Variants in TTC34 observed in about 807,000 individuals in gnomAD.
The protein encoded by TTC34 is tetratricopeptide repeat protein 34.
Under a neutral mutation model 40.7 loss-of-function variants are expected in TTC34, and 44 were observed. The observed-to-expected ratio is 1.08, with a 90% CI of 0.85 to 1.39. The LOEUF (loss-of-function observed/expected upper bound fraction) is 1.39, where lower values mean the gene tolerates loss of function less well. Among genes scored for constraint, TTC34 ranks in the 40% most tolerant of loss-of-function variants. The probability of loss-of-function intolerance (pLI) is 0.00; values close to 1 mark genes in which losing one functional copy is unlikely to be tolerated. For missense variants in TTC34, 884 were observed against 838.0 expected (o/e 1.05, Z -0.68); for synonymous variants, 422 against 398.6 (o/e 1.06, Z -0.70).
intron 6 of TTC34, among the ~76,000 whole-genome samples, chr1:2,750,748 T>TCCAGG (rs1641292324): frequency 1.0e-4 from 1 of 9,994 alleles, no homozygotes; most frequent in South Asian, 4.5e-3. Flanking sequence ...CATCTGATGG[T>TCCAGG]CTGGAGCAGC....
At position 2,644,584 on chromosome 1, in the gene TTC34, G is replaced by A. The variant is rs1570746038; in HGVS notation, c.2498-106C>T. On this transcript the variant is annotated intron_variant, in intron 7 of 8. Transcript: ENST00000401095. Reference sequence around the variant, plus strand: ...TCCCTGCCCTGTGCTGGCTTGCGGGGAGCTGATGATGGCTCAGCCCAGGAA... The same window carrying A: ...TCCCTGCCCTGTGCTGGCTTGCGGGAAGCTGATGATGGCTCAGCCCAGGAA... The A allele has an allele frequency of 5.0e-6, 6 of 1,202,978 alleles. No homozygotes were observed. The African/African-American group carries it at 9.1e-5, about 18-fold the overall frequency. 74.5% of individuals were successfully genotyped at this position (1,202,978 alleles called of 1,614,324 possible). A position where few individuals can be genotyped will look rare whatever the true frequency, so the allele number is the denominator to read the frequency against.
intron 6 of TTC34, among the ~76,000 whole-genome samples, chr1:2,654,557 G>A (rs1570759123): frequency 4.6e-5 from 7 of 152,094 alleles, no homozygotes; most frequent in East Asian, 3.9e-4. Context: ...CTGACGGCCT[G>A]GAACGGCACC....
chr1:2,784,771 T>C (rs1283898474), intron 5 of TTC34, among the ~76,000 whole-genome samples: 1 of 152,260 alleles, frequency 6.6e-6, no homozygotes, highest in Non-Finnish European at 1.5e-5. Flanking sequence ...GTTCATTATC[T>C]CTATATCTAA....
intron 6 of TTC34, among the ~76,000 whole-genome samples, chr1:2,650,945 AC>A (rs1639117979): frequency 2.9e-5 from 4 of 138,470 alleles, no homozygotes; most frequent in Admixed American, 2.8e-4. Flanking sequence ...TGACACCCCA[AC>A]CCCCCAGGTG....
At chr1:2,781,691 C>T (rs531527046) in intron 6 of TTC34, among the ~76,000 whole-genome samples, 1 of 152,188 alleles carries the variant, frequency 6.6e-6, no homozygotes, top group African/African-American at 2.4e-5. Flanking sequence ...GAGGCAGTTT[C>T]CTTCTATTCC....
intron 6 of TTC34, among the ~76,000 whole-genome samples, chr1:2,751,526 AC>A (rs1641319038): frequency 9.6e-6 from 1 of 104,288 alleles, no homozygotes; most frequent in African/African-American, 4.6e-5. Context: ...AGCACCCTGC[AC>A]CCCCAGGTGA....
intron 6 of TTC34, among the ~76,000 whole-genome samples, chr1:2,687,607 C>A (rs1325568514): frequency 4.1e-5 from 5 of 121,192 alleles, no homozygotes; most frequent in African/African-American, 1.6e-4. Context: ...GCACCCACAC[C>A]CCCAGGTGAG....
exon 2 of TTC34, chr1:2,800,104 C>G (rs1301271339): frequency 7.5e-6 from 3 of 398,416 alleles, no homozygotes; most frequent in African/African-American, 6.2e-5. Flanking sequence ...GCCAGGCAGT[C>G]CTCAAACCTG....
chr1:2,780,697 C>T (rs987891783), intron 6 of TTC34, among the ~76,000 whole-genome samples: 2 of 152,194 alleles, frequency 1.3e-5, no homozygotes, highest in African/African-American at 2.4e-5. Context: ...TGTGAGTCCT[C>T]CAGCTTGCTG....
intron 6 of TTC34, among the ~76,000 whole-genome samples, chr1:2,675,630 G>C (rs879157795): frequency 4.7e-4 from 42 of 90,202 alleles, no homozygotes; most frequent in Non-Finnish European, 7.0e-4. Context: ...ACAGCCTGGA[G>C]CAGCACCCCA....
At chr1:2,684,596 C>T (rs567788017) in intron 6 of TTC34, among the ~76,000 whole-genome samples, 4 of 122,506 alleles carry the variant, frequency 3.3e-5, no homozygotes, top group Admixed American at 8.0e-5. Context: ...AACACCCATA[C>T]CCCCAGGTGA....
At chr1:2,656,443 A>T (rs1174826483) in intron 6 of TTC34, among the ~76,000 whole-genome samples, 1 of 45,350 alleles carries the variant, frequency 2.2e-5, no homozygotes, top group South Asian at 1.1e-3. Flanking sequence ...ACAGCCTGCA[A>T]CAGCACCCTG....
intron 6 of TTC34, among the ~76,000 whole-genome samples, chr1:2,693,644 A>G (rs1361508908): frequency 2.8e-5 from 2 of 72,038 alleles, no homozygotes; most frequent in African/African-American, 5.3e-5. Flanking sequence ...CGAGCATCTG[A>G]CAGCCTGGAG....
intron 6 of TTC34, among the ~76,000 whole-genome samples, chr1:2,686,722 C>T (rs200048634): frequency 4.9e-5 from 7 of 142,184 alleles, no homozygotes; most frequent in South Asian, 2.3e-4. Flanking sequence ...AGCACACACA[C>T]CCCCAGGCGA....
At position 2,775,812 on chromosome 1, in the gene TTC34, C is replaced by T. The variant is rs1269181466; in HGVS notation, c.2226+7797G>A. The stretch of plus-strand genomic sequence containing the variant: ...GAATCTTCAGGTGAGCATCTGACAG[C>T]CTGGAGCAGCAGTGCCCACCCCTGG... On this transcript the variant is annotated intron_variant, in intron 6 of 8. Transcript: ENST00000401095. Among the ~76,000 whole-genome samples, 19 of 146,234 alleles carry T rather than the reference C, an allele frequency of 1.3e-4. 3 individuals carry two copies. Among genetic ancestry groups the T allele is most frequent in the Non-Finnish European group, 1.9e-4 (13 of 67,684 alleles).
chr1:2,793,373 A>T (rs1222562228), intron 2 of TTC34, among the ~76,000 whole-genome samples: 2 of 152,044 alleles, frequency 1.3e-5, no homozygotes, highest in African/African-American at 4.8e-5. Flanking sequence ...TTCTTCAAAT[A>T]CTCTGCATAC....
rs537029030 is a variant in TTC34, at chr1:2,691,599, G to C, written c.2227-46036C>G. The stretch of plus-strand genomic sequence containing the variant: ...CACCCACATGCCCAGGTGAGACCCT[G>C]ACAGCCTGGAACAGCACCCTGCACC... On this transcript the variant is annotated intron_variant, in intron 6 of 8. Coordinates refer to ENST00000401095, the Ensembl canonical transcript of TTC34. 1.2e-3 allele frequency among the ~76,000 whole-genome samples: 152 copies of C among 123,406 alleles called. 15 individuals are homozygous for C. The highest frequency in any genetic ancestry group is 4.2e-3 in the African/African-American group (148 of 35,208). 81.0% of individuals were successfully genotyped at this position (123,406 alleles called of 152,430 possible). A position where few individuals can be genotyped will look rare whatever the true frequency, so the allele number is the denominator to read the frequency against.
intron 6 of TTC34, among the ~76,000 whole-genome samples, chr1:2,688,317 C>A (rs1640465491): frequency 1.1e-5 from 1 of 87,016 alleles, no homozygotes; most frequent in South Asian, 4.0e-4. Context: ...CAGCCTGGAG[C>A]AGAACCCCAC....
chr1:2,651,299 G>T (rs1276027798), intron 6 of TTC34, among the ~76,000 whole-genome samples: 1 of 151,854 alleles, frequency 6.6e-6, no homozygotes, highest in Non-Finnish European at 1.5e-5. Flanking sequence ...TGACAACCTG[G>T]AATAGAACTC....
Sources: gnomAD v4.1 joint callset for allele counts (sites outside exome capture counted in the v4.1 genomes callset) on GRCh38, gnomAD v4.1.1 for gene constraint, MANE v1.5 for transcripts, NCBI Gene and HGNC (gene_info 2026-07-23, HGNC 2026-07-21) for gene names.